GRAMD1B: variants seen among roughly 807,000 people sequenced by gnomAD.
The protein encoded by GRAMD1B is protein Aster-B.
Under a neutral mutation model 99.7 loss-of-function variants are expected in GRAMD1B, and 37 were observed. That is an observed-to-expected ratio of 0.37 (90% CI 0.29 to 0.49). The LOEUF is 0.49. GRAMD1B is among the 20% of genes least tolerant of loss of function. The pLI is 0.98. For synonymous variants in GRAMD1B, 427 were observed against 387.6 expected, an observed-to-expected ratio of 1.10 and a Z score of -1.19; for missense variants, 888 against 1,009.2, an observed-to-expected ratio of 0.88 and a Z score of 1.63.
At chr11:123,606,543 T>A (rs1952752415) in intron 10 of GRAMD1B, 66 bp from the exon 11 acceptor site, 5 of 1,419,806 alleles carry the variant, frequency 3.5e-6, no homozygotes, top group Non-Finnish European at 4.8e-6. Context: ...GCATCCCTAA[T>A]CTCCCTTTGG....
intron 7 of GRAMD1B, among the ~76,000 whole-genome samples, chr11:123,596,803 C>A (rs146050273): frequency 6.6e-6 from 1 of 152,258 alleles, no homozygotes; most frequent in East Asian, 1.9e-4. Context: ...TCTGGGGGAT[C>A]CTGTCCTGCA....
At chr11:123,522,622 A>T (rs1296392349) in intron 2 of GRAMD1B, among the ~76,000 whole-genome samples, 6 of 151,944 alleles carry the variant, frequency 3.9e-5, no homozygotes, top group Non-Finnish European at 8.8e-5. Flanking sequence ...CCCAGCCGAG[A>T]TTTTCTTTAC....
At chr11:123,499,501 G>A (rs922477489) in intron 2 of GRAMD1B, among the ~76,000 whole-genome samples, 4 of 152,200 alleles carry the variant, frequency 2.6e-5, no homozygotes, top group African/African-American at 9.6e-5. Context: ...AAGGAGAAAG[G>A]TGGGTGGAGG....
At chr11:123,386,136 A>G (rs1473386158) in intron 1 of GRAMD1B, among the ~76,000 whole-genome samples, 1 of 152,162 alleles carries the variant, frequency 6.6e-6, no homozygotes, top group Non-Finnish European at 1.5e-5. Flanking sequence ...AAGTTTTCCC[A>G]TCTGTCAAGT....
chr11:123,473,938 C>T (rs1951136713), intron 1 of GRAMD1B, among the ~76,000 whole-genome samples: 1 of 152,206 alleles, frequency 6.6e-6, no homozygotes, highest in East Asian at 1.9e-4. Context: ...TTCTCTTCCC[C>T]CATACACCTT....
chr11:123,552,803 C>A (rs1414840435), intron 2 of GRAMD1B, among the ~76,000 whole-genome samples: 1 of 152,138 alleles, frequency 6.6e-6, no homozygotes, highest in Non-Finnish European at 1.5e-5. Flanking sequence ...GGAGATATGA[C>A]CCACTGTGCC....
At chr11:123,378,259 A>AT (rs147233751) in intron 1 of GRAMD1B, among the ~76,000 whole-genome samples, 1,836 of 152,128 alleles carry the variant, frequency 0.012, 41 homozygotes, top group African/African-American at 0.041. Flanking sequence ...CAAAGCCTGC[A>AT]TTTTTTTTAC....
chr11:123,499,973 CCTT>C (rs1939693097), intron 2 of GRAMD1B, among the ~76,000 whole-genome samples: 1 of 152,174 alleles, frequency 6.6e-6, no homozygotes, highest in Non-Finnish European at 1.5e-5. Flanking sequence ...GTCTGTGTTT[CCTT>C]CTTCTGGGCA....
At position 123,584,341 on chromosome 11, in the gene GRAMD1B, T is replaced by C. The variant is rs757988283; in HGVS notation, c.684+9T>C. ...GCCAGAGTTGGTATAATGTAAGTAT[T>C]CCTGTTTCCCTTCTTGTTGGGTACC... On this transcript the variant is annotated intron_variant, in intron 4 of 19. Coordinates refer to ENST00000635736, the MANE Select transcript of GRAMD1B (RefSeq NM_001387025.1). The C allele has an allele frequency of 2.5e-5, 12 of 470,696 alleles. No individual in the cohort carries two copies. The East Asian group carries it at 1.8e-3, about 72-fold the overall frequency. 29.2% of individuals were successfully genotyped at this position (470,696 alleles called of 1,614,324 possible).
chr11:123,407,949 A>C (rs1947911449), intron 1 of GRAMD1B, among the ~76,000 whole-genome samples: 1 of 152,164 alleles, frequency 6.6e-6, no homozygotes, highest in Non-Finnish European at 1.5e-5. Context: ...CCTGAATCTA[A>C]AGTGATGAGG....
At chr11:123,618,362 G>A (rs1954717784) in intron 17 of GRAMD1B, 3 of 1,611,998 alleles carry the variant, frequency 1.9e-6, no homozygotes, top group Non-Finnish European at 2.5e-6. Context: ...TTCAGGTACT[G>A]GCTCTATGAT....
At chr11:123,432,090 T>G (rs550966083) in intron 1 of GRAMD1B, 1 of 398,620 alleles carries the variant, frequency 2.5e-6, no homozygotes, top group East Asian at 3.6e-5. Flanking sequence ...CTGGAATTCC[T>G]TCTCCAAATC....
chr11:123,404,205 G>T (rs1478500183), intron 1 of GRAMD1B, among the ~76,000 whole-genome samples: 3 of 152,176 alleles, frequency 2.0e-5, no homozygotes, highest in Non-Finnish European at 4.4e-5. Context: ...AGCACGTAAT[G>T]CCTGATTGTC....
intron 4 of GRAMD1B, among the ~76,000 whole-genome samples, chr11:123,590,216 C>T (rs1249499027): frequency 6.6e-6 from 1 of 152,158 alleles, no homozygotes; most frequent in Non-Finnish European, 1.5e-5. Context: ...AGACAGATCC[C>T]GAAGCTGTTG....
chr11:123,593,038 C>T (rs1950851608), intron 4 of GRAMD1B, among the ~76,000 whole-genome samples: 5 of 152,144 alleles, frequency 3.3e-5, no homozygotes, highest in Admixed American at 2.6e-4. Context: ...TTGAGACCAG[C>T]CTGGCCAATA....
In GRAMD1B at chr11:123,430,955, A is replaced by G. The variant is rs767336298; in HGVS notation, c.163A>G (p.Ser55Gly). 6.1e-5 allele frequency: 43 copies of G among 702,804 alleles called. No individual in the cohort carries two copies. The East Asian group carries it at 8.3e-4, about 14-fold the overall frequency. 43.5% of individuals were successfully genotyped at this position (702,804 alleles called of 1,614,324 possible). The stretch of plus-strand genomic sequence containing the variant: ...CCGCATGAAGAACGTACAGGAGCAG[A>G]GCCTGGAGGCCGGGCTGGCCCGGGA... Reference protein sequence around the residue: ...MRRMKNVQEQSLEAGLARDLP... With the variant: ...MRRMKNVQEQGLEAGLARDLP... The change falls in exon 1 of 20, where the codon AGC becomes GGC. Residue 55 changes from serine (S) to glycine (G), a missense_variant. Coordinates refer to ENST00000635736, the MANE Select transcript of GRAMD1B (RefSeq NM_001387025.1).
intron 1 of GRAMD1B, among the ~76,000 whole-genome samples, chr11:123,408,982 C>T (rs1226905503): frequency 1.3e-5 from 2 of 152,190 alleles, no homozygotes; most frequent in African/African-American, 2.4e-5. Context: ...TGTTGTATTA[C>T]ACTTGCCCTC....
chr11:123,560,591 A>C, intron 2 of GRAMD1B: 3 of 534,206 alleles, frequency 5.6e-6, no homozygotes, highest in Non-Finnish European at 9.8e-6. Flanking sequence ...TGCCCAATGC[A>C]TGAATGAATG....
At chr11:123,620,243 G>A (rs1954939100) in intron 19 of GRAMD1B, among the ~76,000 whole-genome samples, 1 of 152,148 alleles carries the variant, frequency 6.6e-6, no homozygotes, top group Non-Finnish European at 1.5e-5. Context: ...AGAGGCTGAA[G>A]AGGGCAGATC....
Sources: allele counts gnomAD v4.1 joint callset (sites outside exome capture counted in the v4.1 genomes callset), GRCh38; gene constraint gnomAD v4.1.1; transcripts MANE v1.5; gene names NCBI Gene and HGNC (gene_info 2026-07-23, HGNC 2026-07-21).